RPS6KC1: variants seen among roughly 807,000 people sequenced by gnomAD.
RPS6KC1 encodes the protein ribosomal protein S6 kinase C1.
In RPS6KC1, 54 loss-of-function variants were observed where a neutral mutation model predicts 103.8. That is an observed-to-expected ratio of 0.52 (90% confidence interval 0.42 to 0.65). The LOEUF (loss-of-function observed/expected upper bound fraction) is 0.65. RPS6KC1 is among the 30% of genes least tolerant of loss of function. The pLI, the probability that RPS6KC1 is intolerant of heterozygous loss-of-function variation, is 0.00. For synonymous variants in RPS6KC1, 439 were observed against 438.7 expected, an observed-to-expected ratio of 1.00 and a Z score of -0.01; for missense variants, 1,151 against 1,253.8, an observed-to-expected ratio of 0.92 and a Z score of 1.24.
chr1:213,545,470 C>T, the RPS6KC1 span, among the ~76,000 whole-genome samples: 1 of 151,890 alleles, frequency 6.6e-6, no homozygotes, highest in African/African-American at 2.4e-5. Flanking sequence ...TCAAGTCTCT[C>T]TCCTTGGCTT....
the RPS6KC1 span, among the ~76,000 whole-genome samples, chr1:213,319,146 A>T: frequency 6.6e-6 from 1 of 152,018 alleles, no homozygotes; most frequent in Non-Finnish European, 1.5e-5. Context: ...TCTCTACTAA[A>T]AATACAAAAA....
the RPS6KC1 span, among the ~76,000 whole-genome samples, chr1:213,686,791 C>T: frequency 6.6e-6 from 1 of 152,194 alleles, no homozygotes; most frequent in Non-Finnish European, 1.5e-5. Context: ...AGAATGCCTA[C>T]TCCATAGCTC....
the RPS6KC1 span, among the ~76,000 whole-genome samples, chr1:213,650,632 A>G: frequency 6.6e-6 from 1 of 152,102 alleles, no homozygotes; most frequent in Admixed American, 6.5e-5. Flanking sequence ...GGAGTGGGGA[A>G]CTGTTTGGAA....
the RPS6KC1 span, among the ~76,000 whole-genome samples, chr1:213,642,400 T>C: frequency 6.6e-6 from 1 of 152,170 alleles, no homozygotes; most frequent in East Asian, 1.9e-4. Context: ...TGATTTCTGA[T>C]TACCAGTGAG....
chr1:213,661,210 T>C, the RPS6KC1 span, among the ~76,000 whole-genome samples: 1 of 152,304 alleles, frequency 6.6e-6, no homozygotes, highest in Non-Finnish European at 1.5e-5. Flanking sequence ...ATAAATAAGT[T>C]GATAACTATA....
chr1:213,370,006 C>T, the RPS6KC1 span, among the ~76,000 whole-genome samples: 2 of 152,198 alleles, frequency 1.3e-5, no homozygotes, highest in Non-Finnish European at 2.9e-5. Flanking sequence ...TGCCCTAATT[C>T]TGCTCTCACT....
At chr1:213,239,145 C>G (rs2148923435) in intron 10 of RPS6KC1, among the ~76,000 whole-genome samples, 1 of 152,146 alleles carries the variant, frequency 6.6e-6, no homozygotes, top group South Asian at 2.1e-4. Context: ...CCATAATATC[C>G]TGTACCACTA....
intron 8 of RPS6KC1, among the ~76,000 whole-genome samples, chr1:213,223,428 G>A (rs186772888): frequency 2.6e-5 from 4 of 152,178 alleles, no homozygotes; most frequent in Non-Finnish European, 5.9e-5. Flanking sequence ...CATCCTCATA[G>A]CTTAGCTCCC....
the RPS6KC1 span, among the ~76,000 whole-genome samples, chr1:213,544,227 G>A: frequency 3.3e-5 from 5 of 152,270 alleles, no homozygotes; most frequent in Non-Finnish European, 5.9e-5. Flanking sequence ...AAGTGAAGGC[G>A]AGAGAATCCT....
At chr1:213,712,156 G>A in the RPS6KC1 span, among the ~76,000 whole-genome samples, 17 of 152,360 alleles carry the variant, frequency 1.1e-4, no homozygotes, top group East Asian at 3.1e-3. Flanking sequence ...GAAGATGGGA[G>A]TTTTATCTAT....
At chr1:213,122,490 A>G (rs2084506770) in intron 5 of RPS6KC1, among the ~76,000 whole-genome samples, 1 of 152,206 alleles carries the variant, frequency 6.6e-6, no homozygotes, top group South Asian at 2.1e-4. Flanking sequence ...TTGTCACATG[A>G]TTGGTTACTT....
chr1:213,467,207 T>C, the RPS6KC1 span, among the ~76,000 whole-genome samples: 3 of 152,272 alleles, frequency 2.0e-5, no homozygotes, highest in African/African-American at 7.2e-5. Context: ...AAGGAATCAA[T>C]ATAAATTATA....
chr1:213,591,016 C>T, the RPS6KC1 span, among the ~76,000 whole-genome samples: 1 of 152,192 alleles, frequency 6.6e-6, no homozygotes, highest in South Asian at 2.1e-4. Context: ...CTCTCCCCTG[C>T]ATCCCTTCCC....
downstream of RPS6KC1, among the ~76,000 whole-genome samples, chr1:213,276,651 TA>T (rs2095113078): frequency 6.6e-6 from 1 of 152,248 alleles, no homozygotes; most frequent in African/African-American, 2.4e-5. Flanking sequence ...AATTGGTACT[TA>T]ACTGTTTTCT....
At chr1:213,352,510 T>C in the RPS6KC1 span, among the ~76,000 whole-genome samples, 3 of 152,132 alleles carry the variant, frequency 2.0e-5, 1 homozygote, top group Admixed American at 1.3e-4. Flanking sequence ...GGCCACAATA[T>C]TGTAAGAGGC....
chr1:213,051,348 G>C lies in RPS6KC1; in HGVS notation c.-57G>C, dbSNP rs1197849001. On this transcript the variant is annotated 5_prime_UTR_variant, in exon 1 of 15. Coordinates refer to ENST00000366960, the MANE Select transcript of RPS6KC1 (RefSeq NM_012424.6). Reference sequence around the variant, plus strand: ...GTTGGGGAACCTGGACCGCGGCGGCGCCGGGTTTCCCTCATGATCCCGGGC... The same window carrying C: ...GTTGGGGAACCTGGACCGCGGCGGCCCCGGGTTTCCCTCATGATCCCGGGC... 3 of 1,392,526 alleles carry C rather than the reference G, an allele frequency of 2.2e-6. No homozygotes were observed. Among genetic ancestry groups the C allele is most frequent in the Non-Finnish European group, 3.0e-6 (3 of 986,550 alleles). 86.3% of individuals were successfully genotyped at this position (1,392,526 alleles called of 1,614,324 possible). A position where few individuals can be genotyped will look rare whatever the true frequency, so the allele number is the denominator to read the frequency against.
At chr1:213,609,720 C>T in the RPS6KC1 span, among the ~76,000 whole-genome samples, 2 of 149,352 alleles carry the variant, frequency 1.3e-5, no homozygotes, top group Non-Finnish European at 3.0e-5. Flanking sequence ...GGACCAGGGC[C>T]AGAATGAAGC....
At chr1:213,243,095 C>T (rs1469901178) in intron 12 of RPS6KC1, among the ~76,000 whole-genome samples, 2 of 152,004 alleles carry the variant, frequency 1.3e-5, no homozygotes, top group Non-Finnish European at 1.5e-5. Flanking sequence ...CTCCTGGGCT[C>T]AGGCAGTCCT....
the RPS6KC1 span, among the ~76,000 whole-genome samples, chr1:213,397,402 T>C: frequency 6.6e-6 from 1 of 151,962 alleles, no homozygotes; most frequent in Admixed American, 6.5e-5. Flanking sequence ...TTAAAGAAAT[T>C]GTTCATTCCT....
Sources: gnomAD v4.1 joint callset for allele counts (sites outside exome capture counted in the v4.1 genomes callset) on GRCh38, gnomAD v4.1.1 for gene constraint, MANE v1.5 for transcripts, NCBI Gene and HGNC (gene_info 2026-07-23, HGNC 2026-07-21) for gene names.